Variants in PDCD11 observed in about 807,000 individuals in gnomAD.
PDCD11 encodes the protein protein RRP5 homolog.
A neutral mutation model predicts 198.9 loss-of-function variants in PDCD11; 97 were observed. The ratio of observed to expected loss-of-function variants is 0.49; its 90% CI spans 0.41 to 0.58. PDCD11 has a LOEUF of 0.58. PDCD11 is among the 20% of genes least tolerant of loss of function. The pLI, the probability that PDCD11 is intolerant of heterozygous loss-of-function variation, is 0.00. For synonymous variants in PDCD11, 893 were observed against 918.0 expected (o/e 0.97, Z 0.49); for missense variants, 2,102 against 2,312.7 (o/e 0.91, Z 1.87).
intron 26 of PDCD11, 21 bp from the exon 27 acceptor site, chr10:103,438,665 G>T: frequency 3.7e-6 from 6 of 1,614,090 alleles, no homozygotes; most frequent in Non-Finnish European, 5.1e-6. Context: ...AGGTGTGCAT[G>T]TAAGCCTTTT....
At chr10:103,427,212 A>T (rs2031733154) in intron 20 of PDCD11, 117 bp from the exon 21 acceptor site, 1 of 836,244 alleles carries the variant, frequency 1.2e-6, no homozygotes, top group Non-Finnish European at 2.1e-6. Flanking sequence ...GTGGTGTGAC[A>T]GTGGAACAGG....
At chr10:103,400,053 G>C (rs1292711342) in intron 2 of PDCD11, among the ~76,000 whole-genome samples, 3 of 152,016 alleles carry the variant, frequency 2.0e-5, no homozygotes, top group African/African-American at 7.2e-5. Flanking sequence ...ATTTAACTTG[G>C]GTCTGTGTAA....
Position 103,443,246 on chromosome 10 carries a change from G to A in PDCD11, c.5037G>A (p.Lys1679=), listed in dbSNP as rs766097546. The A allele has an allele frequency of 6.2e-7, 1 of 1,612,936 alleles. No homozygotes were observed. The highest frequency in any genetic ancestry group is 1.7e-5 in the Admixed American group (1 of 59,974). Reference sequence around the variant, plus strand: ...ACGGCTCTCAGGAGTCCCTGACCAAGGTCTTTGAGCGAGCCGTGCAGTACA... The same window carrying A: ...ACGGCTCTCAGGAGTCCCTGACCAAAGTCTTTGAGCGAGCCGTGCAGTACA... ...NMYGSQESLT[K]VFERAVQYNE... is the part of the protein sequence containing the mutation. Residue 1679 remains lysine, a synonymous_variant, in exon 33 of 36, where the codon AAG becomes AAA. Coordinates refer to ENST00000369797, the MANE Select transcript of PDCD11 (RefSeq NM_014976.2).
At chr10:103,398,796 A>G (rs946121117) in intron 2 of PDCD11, among the ~76,000 whole-genome samples, 1 of 152,194 alleles carries the variant, frequency 6.6e-6, no homozygotes, top group Non-Finnish European at 1.5e-5. Context: ...AGGCAGGCGG[A>G]TCACTTGAGG....
chr10:103,427,484 A>G (rs1334412895), intron 21 of PDCD11, 93 bp downstream of exon 21: 14 of 1,082,718 alleles, frequency 1.3e-5, no homozygotes, highest in Non-Finnish European at 1.9e-5. Flanking sequence ...TACCAGTGTT[A>G]GGATTGATTT....
intron 7 of PDCD11, 56 bp downstream of exon 7, chr10:103,406,846 T>A (rs1224167535): frequency 7.2e-7 from 1 of 1,382,300 alleles, no homozygotes; most frequent in Non-Finnish European, 9.9e-7. Flanking sequence ...TTTCAAAATA[T>A]TAAATGCATA....
intron 25 of PDCD11, among the ~76,000 whole-genome samples, chr10:103,437,601 C>T (rs1440568952): frequency 1.3e-5 from 2 of 152,176 alleles, no homozygotes; most frequent in African/African-American, 2.4e-5. Context: ...CATTCTCCTG[C>T]CTCAACCTCC....
intron 4 of PDCD11, among the ~76,000 whole-genome samples, chr10:103,404,049 C>T (rs763248449): frequency 6.6e-6 from 1 of 152,110 alleles, no homozygotes; most frequent in Non-Finnish European, 1.5e-5. Flanking sequence ...AGTGCAGTGG[C>T]ATGATCTCAG....
chr10:103,436,744 G>A (rs1365884240), intron 25 of PDCD11, among the ~76,000 whole-genome samples: 1 of 152,192 alleles, frequency 6.6e-6, no homozygotes. Flanking sequence ...TTGCCTAAAG[G>A]TAGACGGTCC....
chr10:103,407,797 C>T (rs1339462835), intron 7 of PDCD11, among the ~76,000 whole-genome samples: 1 of 151,800 alleles, frequency 6.6e-6, no homozygotes, highest in East Asian at 2.0e-4. Context: ...CGGGTCACTG[C>T]AACCTCTGCC....
At position 103,433,940 on chromosome 10, in the gene PDCD11, T is replaced by TC; in HGVS notation, c.3475-5dup. 1 of 1,609,484 alleles carries TC rather than the reference T, an allele frequency of 6.2e-7. No homozygotes were observed. Among genetic ancestry groups the TC allele is most frequent in the South Asian group, 1.1e-5 (1 of 90,878 alleles). ...TTTGCCCTACTCTGGTTCCTTTTTTTCCCTCAGTACAATGTGGTGAAGAAA... is the reference window on the plus strand; with the variant it reads ...TTTGCCCTACTCTGGTTCCTTTTTTTCCCCTCAGTACAATGTGGTGAAGAAA... On this transcript the variant is annotated splice_polypyrimidine_tract_variant and splice_region_variant and intron_variant, in intron 22 of 35. Transcript: ENST00000369797.
rs2093448434 is a variant in PDCD11, at chr10:103,398,397, T to A, written c.-11-19T>A. 5 of 1,420,570 alleles carry A rather than the reference T, an allele frequency of 3.5e-6. No homozygotes were observed. Among genetic ancestry groups the A allele is most frequent in the Non-Finnish European group, 5.0e-6 (5 of 1,003,634 alleles). The allele number at this position is 1,420,570 out of a possible 1,614,324, so 88.0% of individuals were successfully genotyped here. A position where few individuals can be genotyped will look rare whatever the true frequency, so the allele number is the denominator to read the frequency against. On this transcript the variant is annotated intron_variant, in intron 1 of 35. Transcript: ENST00000369797. ...CTACCAAGACAACATGTCACCATTATCCTTTGCATTGTTTTTAGGAGACCC... is the reference window on the plus strand; with the variant it reads ...CTACCAAGACAACATGTCACCATTAACCTTTGCATTGTTTTTAGGAGACCC...
intron 28 of PDCD11, 128 bp from the exon 29 acceptor site, chr10:103,440,162 A>G: frequency 2.2e-6 from 3 of 1,366,406 alleles, no homozygotes; most frequent in Non-Finnish European, 3.0e-6. Context: ...GAATATTGAA[A>G]GGACTCCCAA....
Position 103,438,818 on chromosome 10 carries a change from G to A in PDCD11, c.4025+10G>A. On this transcript the variant is annotated intron_variant, in intron 27 of 35. Transcript: ENST00000369797. ...ACGGTGTGTTCTTTCGGTGAGTGAG[G>A]GGGGCTCTGCACCCGGACCCAAGTG... 6.2e-7 allele frequency: 1 copy of A among 1,613,544 alleles called. No individual in the cohort carries two copies. Among genetic ancestry groups the A allele is most frequent in the Non-Finnish European group, 8.5e-7 (1 of 1,179,964 alleles).
intron 3 of PDCD11, among the ~76,000 whole-genome samples, chr10:103,401,653 A>G (rs1230550080): frequency 6.6e-6 from 1 of 152,238 alleles, no homozygotes; most frequent in Non-Finnish European, 1.5e-5. Flanking sequence ...AGGAACATTC[A>G]TATTTGGCTA....
intron 3 of PDCD11, 74 bp from the exon 4 acceptor site, chr10:103,403,044 A>T: frequency 7.2e-7 from 1 of 1,390,616 alleles, no homozygotes; most frequent in Non-Finnish European, 1.0e-6. Context: ...AATTGACACT[A>T]GAAGCCAGAC....
Position 103,414,549 on chromosome 10 carries a change from TA to T in PDCD11, c.1371+220del, listed in dbSNP as rs1223186178. On this transcript the variant is annotated intron_variant, in intron 11 of 35. Transcript: ENST00000369797. ...GCACCACCCAGCTACACAAAGGCAG[TA>T]GATCATAAATCCTGAGATTTGGGAT... is the stretch of plus-strand genomic sequence containing the variant. 4.6e-5 allele frequency among the ~76,000 whole-genome samples: 7 copies of T among 152,336 alleles called. No individual in the cohort carries two copies. In the South Asian group the frequency reaches 1.5e-3, roughly 32 times the overall value.
intron 4 of PDCD11, 40 bp from the exon 5 acceptor site, chr10:103,404,982 G>A: frequency 6.3e-7 from 1 of 1,596,088 alleles, no homozygotes; most frequent in Admixed American, 1.7e-5. Context: ...TGGTTCAGGA[G>A]AAGGGTGTAT....
intron 1 of PDCD11, among the ~76,000 whole-genome samples, chr10:103,397,853 A>G (rs1039396430): frequency 3.9e-5 from 6 of 152,242 alleles, no homozygotes. Context: ...GCTGGTGTTT[A>G]TTGAAATAAT....
Sources: allele counts gnomAD v4.1 joint callset (sites outside exome capture counted in the v4.1 genomes callset), GRCh38; gene constraint gnomAD v4.1.1; transcripts MANE v1.5; gene names NCBI Gene and HGNC (gene_info 2026-07-23, HGNC 2026-07-21).